USH2A: variants seen among roughly 807,000 people sequenced by gnomAD.
The protein encoded by USH2A is usherin.
In USH2A, 443 loss-of-function variants were observed where a neutral mutation model predicts 538.9. The observed-to-expected ratio is 0.82, with a 90% confidence interval of 0.76 to 0.89. The LOEUF (loss-of-function observed/expected upper bound fraction) is 0.89. Ranked by LOEUF, USH2A falls within the 40% of genes least tolerant of loss-of-function variation. The pLI, the probability that USH2A is intolerant of heterozygous loss-of-function variation, is 0.00. For missense variants in USH2A, 6,633 were observed against 6,324.8 expected (o/e 1.05, Z -1.65); for synonymous variants, 2,413 against 2,273.5 (o/e 1.06, Z -1.75).
At chr1:216,059,232 T>C (rs1005564244) in intron 30 of USH2A, among the ~76,000 whole-genome samples, 2 of 152,168 alleles carry the variant, frequency 1.3e-5, no homozygotes, top group Non-Finnish European at 2.9e-5. Context: ...CTGATGATAC[T>C]CTGCATAGCT....
At chr1:216,323,380 A>G in intron 8 of USH2A, 94 bp downstream of exon 8, 1 of 1,255,904 alleles carries the variant, frequency 8.0e-7, no homozygotes, top group East Asian at 2.4e-5. Context: ...TCAAAATGTA[A>G]AGCTTGAAAT....
At chr1:215,640,488 A>G in intron 68 of USH2A, 70 bp downstream of exon 68, 1 of 1,597,150 alleles carries the variant, frequency 6.3e-7, no homozygotes, top group Non-Finnish European at 8.6e-7. Context: ...GTCAGCTTTC[A>G]GATTTAGCAT....
chr1:216,228,115 G>T (rs533354076), intron 14 of USH2A, among the ~76,000 whole-genome samples: 4 of 152,246 alleles, frequency 2.6e-5, no homozygotes, highest in African/African-American at 7.2e-5. Context: ...GAGGCTTCCA[G>T]GGTGAATTGG....
chr1:215,679,320 A>C (rs1658143806), intron 62 of USH2A, among the ~76,000 whole-genome samples: 1 of 152,208 alleles, frequency 6.6e-6, no homozygotes, highest in East Asian at 1.9e-4. Flanking sequence ...CTCTTGGAGA[A>C]GGAGTGGCAA....
At chr1:215,872,509 C>A (rs1167173407) in intron 43 of USH2A, among the ~76,000 whole-genome samples, 1 of 152,098 alleles carries the variant, frequency 6.6e-6, no homozygotes, top group African/African-American at 2.4e-5. Flanking sequence ...CATCTTTGTT[C>A]TACTTTGTCA....
chr1:215,777,994 AATAAG>A (rs1168645155), intron 55 of USH2A, among the ~76,000 whole-genome samples: 2 of 152,204 alleles, frequency 1.3e-5, no homozygotes, highest in Non-Finnish European at 2.9e-5. Flanking sequence ...CTTCAAGTAA[AATAAG>A]ATAAAAGAAA....
Position 215,786,799 on chromosome 1 carries a change from A to G in USH2A, c.10258T>C (p.Phe3420Leu), listed in dbSNP as rs142183193. ...ATCACAGTGCAAATGTGGCTGGTAA[A>G]GTTGAAGTCACACCTGCCACAATGT... is the stretch of plus-strand genomic sequence containing the variant. ...TEHCGRCDFN[F>L]TSHICTVIRG... The change falls in exon 52 of 72, where the codon TTT (phenylalanine) becomes CTT (leucine). Residue 3420 changes from phenylalanine (F) to leucine (L), a missense_variant. Transcript: ENST00000307340. 3 of 1,613,428 alleles carry G rather than the reference A, an allele frequency of 1.9e-6. No individual in the cohort carries two copies. The African/African-American group carries it at 4.0e-5, about 22-fold the overall frequency.
chr1:216,292,216 C>T lies in USH2A; in HGVS notation c.1799G>A (p.Gly600Glu). The change falls in exon 10 of 72, where the codon GGG becomes GAG. Residue 600 changes from glycine (G) to glutamate (E), a missense_variant. By Grantham distance (98) the Gly-to-Glu change is moderately conservative. Coordinates refer to ENST00000307340, the MANE Select transcript of USH2A (RefSeq NM_206933.4). ...VDPFPFEHFR[G>E]GGGVCDDCEH... is the part of the protein sequence containing the mutation. ...ACAATCATCACAAACTCCTCCTCCCCCTCTGAAGTGCTCAAAAGGAAATGG... is the reference window on the plus strand; with the variant it reads ...ACAATCATCACAAACTCCTCCTCCCTCTCTGAAGTGCTCAAAAGGAAATGG... The T allele has an allele frequency of 6.2e-7, 1 of 1,614,076 alleles. No individual in the cohort carries two copies. The highest frequency in any genetic ancestry group is 8.5e-7 in the Non-Finnish European group (1 of 1,179,960).
intron 69 of USH2A, among the ~76,000 whole-genome samples, chr1:215,638,810 C>T (rs1171500369): frequency 6.6e-6 from 1 of 151,464 alleles, no homozygotes; most frequent in Non-Finnish European, 1.5e-5. Flanking sequence ...AACCATGTCT[C>T]TACTAAAAAT....
intron 20 of USH2A, among the ~76,000 whole-genome samples, chr1:216,177,531 T>G (rs1056933643): frequency 6.6e-6 from 1 of 152,104 alleles, no homozygotes; most frequent in African/African-American, 2.4e-5. Flanking sequence ...CTAACTTTGG[T>G]CAGCCTCTTG....
chr1:216,207,854 C>A (rs1213583710), intron 15 of USH2A, among the ~76,000 whole-genome samples: 17 of 150,022 alleles, frequency 1.1e-4, no homozygotes, highest in Admixed American at 1.1e-3. Flanking sequence ...AGGAAGCTTT[C>A]CATTCCATTA....
At chr1:215,997,241 A>G (rs966933738) in intron 34 of USH2A, among the ~76,000 whole-genome samples, 1 of 152,172 alleles carries the variant, frequency 6.6e-6, no homozygotes, top group African/African-American at 2.4e-5. Context: ...ACTTGAAAAT[A>G]ATGTGAGCAA....
chr1:215,626,251 TA>T (rs1656019695), intron 71 of USH2A, among the ~76,000 whole-genome samples: 1 of 149,946 alleles, frequency 6.7e-6, no homozygotes, highest in Non-Finnish European at 1.5e-5. Flanking sequence ...ATATACACAC[TA>T]TATAGACACT....
intron 4 of USH2A, among the ~76,000 whole-genome samples, chr1:216,335,100 A>G (rs781402501): frequency 4.0e-5 from 6 of 151,812 alleles, no homozygotes; most frequent in Non-Finnish European, 7.4e-5. Context: ...CATGCAAAGT[A>G]TATTCTTGGA....
Position 216,175,338 on chromosome 1 carries a change from G to T in USH2A, c.4541C>A (p.Thr1514Asn). 6.2e-7 allele frequency: 1 copy of T among 1,613,764 alleles called. No homozygotes were observed. The highest frequency in any genetic ancestry group is 8.5e-7 in the Non-Finnish European group (1 of 1,179,864). The change falls in exon 21 of 72, where the codon ACC becomes AAC. Residue 1514 changes from threonine to asparagine, a missense_variant. By Grantham distance (65) the Thr-to-Asn change is moderately conservative (BLOSUM62 0). Coordinates refer to ENST00000307340, the MANE Select transcript of USH2A (RefSeq NM_206933.4). ...GAAACGGATTCCTTTCATCATCGTGGTCATCAGAGCTGGTAGAGATGACTC... is the reference window on the plus strand; with the variant it reads ...GAAACGGATTCCTTTCATCATCGTGTTCATCAGAGCTGGTAGAGATGACTC... ...RRESSLPALM[T>N]TMMKGIRFIG...
chr1:216,265,709 A>C (rs2036458191), intron 11 of USH2A, among the ~76,000 whole-genome samples: 1 of 151,940 alleles, frequency 6.6e-6, no homozygotes, highest in Admixed American at 6.6e-5. Context: ...AAAGGAATAA[A>C]ACTCTGTCTT....
intron 10 of USH2A, among the ~76,000 whole-genome samples, chr1:216,291,205 G>T (rs2036993932): frequency 2.6e-5 from 4 of 151,982 alleles, no homozygotes; most frequent in Admixed American, 1.3e-4. Flanking sequence ...ATATTGTCCT[G>T]CCTTCCTTCC....
intron 21 of USH2A, among the ~76,000 whole-genome samples, chr1:216,147,271 T>C (rs1162486824): frequency 2.0e-3 from 291 of 148,638 alleles, no homozygotes; most frequent in African/African-American, 6.9e-3. Context: ...CCTCAGCCTC[T>C]GCTCCTCCAC....
chr1:216,196,402 A>T, intron 19 of USH2A, 151 bp downstream of exon 19: 1 of 713,548 alleles, frequency 1.4e-6, no homozygotes, highest in South Asian at 1.9e-5. Flanking sequence ...ACAAAGAGGG[A>T]GGCTTGTACA....
Sources: allele counts gnomAD v4.1 joint callset (sites outside exome capture counted in the v4.1 genomes callset), GRCh38; gene constraint gnomAD v4.1.1; transcripts MANE v1.5; gene names NCBI Gene and HGNC (gene_info 2026-07-23, HGNC 2026-07-21).